DMD: variants seen among roughly 807,000 people sequenced by gnomAD.
The protein encoded by DMD is dystrophin, also known as mutant dystrophin.
A neutral mutation model predicts 330.1 loss-of-function variants in DMD; 63 were observed. The ratio of observed to expected loss-of-function variants is 0.19; its 90% confidence interval spans 0.16 to 0.24. DMD has a LOEUF of 0.24. Among genes scored for constraint, DMD ranks in the 10% least tolerant of loss-of-function variants. DMD has a pLI of 1.00. For missense variants in DMD, 3,344 were observed against 2,684.1 expected, an observed-to-expected ratio of 1.25 and a Z score of -5.43; for synonymous variants, 1,223 against 959.8, an observed-to-expected ratio of 1.27 and a Z score of -5.07.
intron 43 of DMD, among the ~76,000 whole-genome samples, chrX:32,259,629 G>A (rs2097313816): frequency 9.0e-6 from 1 of 111,404 alleles, no homozygotes; most frequent in Admixed American, 9.6e-5. Flanking sequence ...CTATCTGCAT[G>A]AATGACTATT....
intron 74 of DMD, among the ~76,000 whole-genome samples, chrX:31,162,216 A>G (rs1472425238): frequency 2.7e-5 from 3 of 110,108 alleles, no homozygotes; most frequent in African/African-American, 9.9e-5. Context: ...GCACTCAGTA[A>G]CTATCTGCAG....
intron 44 of DMD, among the ~76,000 whole-genome samples, chrX:32,170,940 C>A (rs762447900): frequency 9.0e-5 from 10 of 111,048 alleles, no homozygotes; most frequent in Non-Finnish European, 1.7e-4. Context: ...TCCTTTCAAG[C>A]GCATATTTAT....
chrX:32,621,576 G>A (rs1162278690), intron 11 of DMD, among the ~76,000 whole-genome samples: 2 of 108,384 alleles, frequency 1.8e-5, no homozygotes, highest in Non-Finnish European at 3.8e-5. Context: ...CTCTCCCCTT[G>A]GCCTCCCAAA....
intron 60 of DMD, among the ~76,000 whole-genome samples, chrX:31,371,037 A>T (rs888514447): frequency 1.8e-5 from 2 of 111,361 alleles, no homozygotes; most frequent in Non-Finnish European, 3.8e-5. Flanking sequence ...GGGGCAGGGA[A>T]GTGGGTGTGG....
intron 2 of DMD, among the ~76,000 whole-genome samples, chrX:32,936,690 T>A (rs1167433314): frequency 1.8e-5 from 2 of 111,902 alleles, no homozygotes; most frequent in African/African-American, 6.5e-5. Context: ...AGGAAGATAA[T>A]GTGGCACAGA....
intron 47 of DMD, among the ~76,000 whole-genome samples, chrX:31,890,696 T>A (rs1050591044): frequency 1.8e-5 from 2 of 111,766 alleles, no homozygotes; most frequent in South Asian, 7.4e-4. Flanking sequence ...ACCAATTTGA[T>A]AGTTTCAATA....
intron 44 of DMD, among the ~76,000 whole-genome samples, chrX:32,063,795 G>T (rs183005251): frequency 1.8e-5 from 2 of 111,031 alleles, no homozygotes; most frequent in African/African-American, 6.5e-5. Flanking sequence ...AAACTGAAAA[G>T]AAAGACAACC....
chrX:32,879,577 G>A (rs746908374), intron 2 of DMD, among the ~76,000 whole-genome samples: 35 of 112,253 alleles, frequency 3.1e-4, no homozygotes, highest in Non-Finnish European at 6.2e-4. Flanking sequence ...CAGTTAAAGA[G>A]CCTTTACTGT....
At chrX:32,030,851 G>A (rs193019448) in intron 44 of DMD, among the ~76,000 whole-genome samples, 4 of 111,745 alleles carry the variant, frequency 3.6e-5, no homozygotes, top group Non-Finnish European at 1.9e-5. Flanking sequence ...TATGATTATA[G>A]GAAGGTTAAA....
chrX:32,155,971 T>C (rs1484711994), intron 44 of DMD, among the ~76,000 whole-genome samples: 1 of 61,528 alleles, frequency 1.6e-5, no homozygotes, highest in African/African-American at 6.7e-5. Context: ...CTTTTGTCAT[T>C]CAACACACAC....
At chrX:32,473,370 T>C in intron 21 of DMD, among the ~76,000 whole-genome samples, 1 of 111,400 alleles carries the variant, frequency 9.0e-6, no homozygotes. Context: ...GTCTAATATA[T>C]ATGCATCCCA....
intron 2 of DMD, among the ~76,000 whole-genome samples, chrX:32,910,470 C>A (rs1458001424): frequency 9.0e-6 from 1 of 110,738 alleles, no homozygotes; most frequent in Non-Finnish European, 1.9e-5. Flanking sequence ...ACACTGTCAC[C>A]CGGGCTGGAG....
intron 7 of DMD, among the ~76,000 whole-genome samples, chrX:32,745,359 G>A (rs2069849631): frequency 1.8e-5 from 2 of 112,141 alleles, no homozygotes; most frequent in African/African-American, 6.5e-5. Flanking sequence ...TATCAACACA[G>A]CACTCACAGA....
At chrX:32,212,784 T>TA (rs1017396423) in intron 44 of DMD, among the ~76,000 whole-genome samples, 1 of 111,784 alleles carries the variant, frequency 8.9e-6, no homozygotes. Flanking sequence ...TTTTCTCAGG[T>TA]AAAAAAATGG....
At chrX:31,362,825 C>T (rs1569532749) in intron 60 of DMD, among the ~76,000 whole-genome samples, 2 of 112,311 alleles carry the variant, frequency 1.8e-5, no homozygotes, top group Admixed American at 1.9e-4. Flanking sequence ...TGGCGGGCAC[C>T]TGTAGTCCCA....
rs749228065 is a variant in DMD, at chrX:31,124,466, G to A, written c.11046+2176C>T. Among the ~76,000 whole-genome samples, 5 of 111,568 alleles carry A rather than the reference G, an allele frequency of 4.5e-5. No homozygotes were observed. In the South Asian group the frequency reaches 1.9e-3, roughly 43 times the overall value. On this transcript the variant is annotated intron_variant, in intron 78 of 78. Transcript: ENST00000357033. ...TTCTATTATCCATGTGTGTAAGGCAGAGCATTCGGGAGGTCATTAATGTTA... is the reference window on the plus strand; with the variant it reads ...TTCTATTATCCATGTGTGTAAGGCAAAGCATTCGGGAGGTCATTAATGTTA...
intron 44 of DMD, among the ~76,000 whole-genome samples, chrX:32,205,003 T>TCA (rs1569550722): frequency 5.8e-5 from 2 of 34,733 alleles, no homozygotes; most frequent in African/African-American, 2.3e-4. Context: ...TCTCTCTCTC[T>TCA]CTCACATACA....
chrX:32,150,076 A>G (rs1380212280), intron 44 of DMD, among the ~76,000 whole-genome samples: 1 of 112,317 alleles, frequency 8.9e-6, no homozygotes, highest in Non-Finnish European at 1.9e-5. Context: ...GGCAGCCTCA[A>G]GGCCACCCTC....
intron 7 of DMD, among the ~76,000 whole-genome samples, chrX:32,781,721 T>G (rs1359127843): frequency 9.0e-6 from 1 of 110,741 alleles, no homozygotes; most frequent in African/African-American, 3.3e-5. Context: ...GATGGGCACA[T>G]GAGTACGTGC....
Sources: allele counts gnomAD v4.1 joint callset (sites outside exome capture counted in the v4.1 genomes callset), GRCh38; gene constraint gnomAD v4.1.1; transcripts MANE v1.5; gene names NCBI Gene and HGNC (gene_info 2026-07-23, HGNC 2026-07-21).